PTPRN2: variants seen among roughly 807,000 people sequenced by gnomAD.
PTPRN2 encodes the protein receptor-type tyrosine-protein phosphatase N2.
A neutral mutation model predicts 118.8 loss-of-function variants in PTPRN2; 74 were observed. The ratio of observed to expected loss-of-function variants is 0.62; its 90% confidence interval spans 0.52 to 0.76. The LOEUF (loss-of-function observed/expected upper bound fraction) is 0.76, where lower values mean the gene tolerates loss of function less well. Ranked by LOEUF, PTPRN2 falls within the 30% of genes least tolerant of loss-of-function variation. PTPRN2 has a pLI of 0.00. For synonymous variants in PTPRN2, 641 were observed against 608.0 expected, an observed-to-expected ratio of 1.05 and a Z score of -0.80; for missense variants, 1,481 against 1,394.4, an observed-to-expected ratio of 1.06 and a Z score of -0.99.
At chr7:157,957,307 G>A (rs4317459) in intron 11 of PTPRN2, among the ~76,000 whole-genome samples, 125,870 of 152,152 alleles carry the variant, frequency 0.83, 52,653 homozygotes, top group East Asian at 0.9. Context: ...TAGGAGACAC[G>A]TATTTTTGGC....
chr7:157,569,739 C>T (rs537935921), intron 20 of PTPRN2, among the ~76,000 whole-genome samples: 7 of 152,204 alleles, frequency 4.6e-5, no homozygotes, highest in African/African-American at 7.2e-5. Context: ...CCCGTGCAGA[C>T]GCTGTCACTG....
At chr7:158,404,834 C>CT (rs1199589109) in intron 2 of PTPRN2, among the ~76,000 whole-genome samples, 2 of 127,480 alleles carry the variant, frequency 1.6e-5, no homozygotes, top group Admixed American at 7.7e-5. Flanking sequence ...AGCTCCCCGG[C>CT]CCCAGCTCCC....
intron 11 of PTPRN2, among the ~76,000 whole-genome samples, chr7:157,996,412 A>G (rs1161338950): frequency 6.6e-6 from 1 of 152,254 alleles, no homozygotes; most frequent in Admixed American, 6.5e-5. Flanking sequence ...TTGGACCCCA[A>G]ACATTCATAC....
At chr7:157,580,425 G>T (rs374839152) in intron 17 of PTPRN2, among the ~76,000 whole-genome samples, 6 of 151,330 alleles carry the variant, frequency 4.0e-5, no homozygotes, top group African/African-American at 1.5e-4. Context: ...CTGCACAGCC[G>T]AGTACCTGCA....
At chr7:157,991,982 G>C (rs1308650280) in intron 11 of PTPRN2, among the ~76,000 whole-genome samples, 1 of 152,186 alleles carries the variant, frequency 6.6e-6, no homozygotes, top group East Asian at 1.9e-4. Context: ...GCCAGCACAG[G>C]CACAGCCCAG....
intron 12 of PTPRN2, among the ~76,000 whole-genome samples, chr7:157,723,218 G>A (rs1799342157): frequency 6.6e-6 from 1 of 152,188 alleles, no homozygotes; most frequent in Non-Finnish European, 1.5e-5. Context: ...CTGACGGACT[G>A]TCCCCTTGCC....
intron 14 of PTPRN2, among the ~76,000 whole-genome samples, chr7:157,639,913 G>T (rs776262201): frequency 8.5e-5 from 13 of 152,216 alleles, no homozygotes; most frequent in Non-Finnish European, 1.5e-4. Flanking sequence ...AGTGATCTGG[G>T]TGAGGAATTG....
At chr7:157,712,875 C>T (rs1798719658) in intron 12 of PTPRN2, among the ~76,000 whole-genome samples, 1 of 152,038 alleles carries the variant, frequency 6.6e-6, no homozygotes, top group Non-Finnish European at 1.5e-5. Flanking sequence ...TGGGAGCTGT[C>T]AGGTGCTGGC....
chr7:157,812,108 C>G (rs1430758632), intron 12 of PTPRN2, among the ~76,000 whole-genome samples: 1 of 152,186 alleles, frequency 6.6e-6, no homozygotes, highest in Non-Finnish European at 1.5e-5. Flanking sequence ...CCCGGCATCC[C>G]TCGACCATGT....
intron 13 of PTPRN2, among the ~76,000 whole-genome samples, chr7:157,657,235 CA>C (rs1795559809): frequency 1.5e-5 from 2 of 129,576 alleles, no homozygotes; most frequent in Admixed American, 7.6e-5. Context: ...GCCACACACA[CA>C]CACCACACAC....
chr7:158,159,488 T>C (rs6459845), intron 6 of PTPRN2, among the ~76,000 whole-genome samples: 37,643 of 152,140 alleles, frequency 0.25, 6,236 homozygotes, highest in African/African-American at 0.48. Flanking sequence ...CAAAAGTCAG[T>C]CGTCATGATG....
chr7:157,692,386 G>C (rs1408554894), intron 12 of PTPRN2, among the ~76,000 whole-genome samples: 3 of 152,218 alleles, frequency 2.0e-5, no homozygotes, highest in African/African-American at 7.2e-5. Flanking sequence ...TCGGTGCAGA[G>C]GGCCTTGCCT....
chr7:157,655,901 C>T (rs1258407315), intron 14 of PTPRN2, among the ~76,000 whole-genome samples: 3 of 151,834 alleles, frequency 2.0e-5, no homozygotes, highest in Non-Finnish European at 2.9e-5. Flanking sequence ...TGTGAAGAGC[C>T]GAGCACCCAG....
chr7:157,576,613 C>T lies in PTPRN2; in HGVS notation c.2783G>A (p.Arg928Lys), dbSNP rs1212812079. 6.2e-7 allele frequency: 1 copy of T among 1,608,982 alleles called. No individual in the cohort carries two copies. The highest frequency in any genetic ancestry group is 1.3e-5 in the African/African-American group (1 of 74,810). ...CCTGCCGGCGGGCCGCGCGTCATAC[C>T]TGCGGAAGTCCAGGAGGGACCTTGA... ...SSSRSLLDFR[R>K]KVNKCYRGRS... Residue 928 changes from arginine to lysine, a missense_variant and splice_region_variant, in exon 19 of 23, where the codon AGA (arginine) becomes AAA (lysine). Arg to Lys is a conservative substitution (Grantham distance 26). Coordinates refer to ENST00000389418, the MANE Select transcript of PTPRN2 (RefSeq NM_002847.5).
intron 3 of PTPRN2, among the ~76,000 whole-genome samples, chr7:158,245,778 C>T (rs962434518): frequency 5.9e-5 from 9 of 152,116 alleles, no homozygotes; most frequent in Non-Finnish European, 1.2e-4. Flanking sequence ...TGGAAGCAGC[C>T]GGCTCAGGGC....
chr7:158,422,911 A>G (rs1815379955), intron 2 of PTPRN2, among the ~76,000 whole-genome samples: 2 of 152,258 alleles, frequency 1.3e-5, no homozygotes, highest in South Asian at 2.1e-4. Flanking sequence ...AGTAGAGACA[A>G]AGAAAGGCTT....
intron 3 of PTPRN2, among the ~76,000 whole-genome samples, chr7:158,239,881 C>T (rs941637062): frequency 2.0e-5 from 3 of 152,264 alleles, no homozygotes; most frequent in African/African-American, 7.2e-5. Context: ...TAAACAATCA[C>T]GGATCTGAGC....
At chr7:157,926,329 C>T (rs1353359199) in intron 11 of PTPRN2, among the ~76,000 whole-genome samples, 9 of 151,452 alleles carry the variant, frequency 5.9e-5, no homozygotes, top group African/African-American at 2.2e-4. Flanking sequence ...GTCCATGCGT[C>T]ACGTCCCTCT....
chr7:158,197,568 C>T (rs1371458364), intron 4 of PTPRN2, among the ~76,000 whole-genome samples: 1 of 152,126 alleles, frequency 6.6e-6, no homozygotes, highest in Non-Finnish European at 1.5e-5. Flanking sequence ...TTTTGTATTA[C>T]TTTGTTCCCA....
Sources: allele counts gnomAD v4.1 joint callset (sites outside exome capture counted in the v4.1 genomes callset), GRCh38; gene constraint gnomAD v4.1.1; transcripts MANE v1.5; gene names NCBI Gene and HGNC (gene_info 2026-07-23, HGNC 2026-07-21).